SCNN1B: variants seen among roughly 807,000 people sequenced by gnomAD.
SCNN1B encodes epithelial sodium channel subunit beta.
In SCNN1B, 46 loss-of-function variants were observed where a neutral mutation model predicts 65.3. The ratio of observed to expected loss-of-function variants is 0.70; its 90% CI spans 0.56 to 0.90. The LOEUF is 0.90. Ranked by LOEUF, SCNN1B falls within the 40% of genes least tolerant of loss-of-function variation. The pLI, the probability that SCNN1B is intolerant of heterozygous loss-of-function variation, is 0.00. For missense variants in SCNN1B, 751 were observed against 830.5 expected, an observed-to-expected ratio of 0.90 and a Z score of 1.18; for synonymous variants, 349 against 330.6, an observed-to-expected ratio of 1.06 and a Z score of -0.60.
At chr16:23,321,662 T>C (rs1253624682) in intron 1 of SCNN1B, among the ~76,000 whole-genome samples, 3 of 152,202 alleles carry the variant, frequency 2.0e-5, no homozygotes, top group African/African-American at 7.2e-5. Flanking sequence ...AGATGATGGC[T>C]TAAAGTGCCA....
chr16:23,362,566 G>A (rs1348732578), intron 4 of SCNN1B, among the ~76,000 whole-genome samples: 1 of 152,116 alleles, frequency 6.6e-6, no homozygotes, highest in Non-Finnish European at 1.5e-5. Flanking sequence ...TGCATGCCTG[G>A]CTCCCAGCCC....
rs774959848 is a variant in SCNN1B at position 23,329,153 on chromosome 16, C to G, written c.-8-19439C>G. On this transcript the variant is annotated intron_variant, in intron 1 of 12. Transcript: ENST00000343070. ...TAGAGACAGGGTCTCGCTCTGTCCC[C>G]CAGGCTGGAGTGCAATGGTGCAATC... Among the ~76,000 whole-genome samples the G allele has an allele frequency of 2.0e-5, 3 of 151,470 alleles. No individual in the cohort carries two copies. In the South Asian group the frequency reaches 6.3e-4, roughly 32 times the overall value.
Position 23,348,892 on chromosome 16 carries a change from G to A in SCNN1B, c.293G>A (p.Cys98Tyr). 2 of 1,614,184 alleles carry A rather than the reference G, an allele frequency of 1.2e-6. No individual in the cohort carries two copies. Among genetic ancestry groups the A allele is most frequent in the Non-Finnish European group, 1.7e-6 (2 of 1,180,030 alleles). ...ATGGACTTCCCTGCCGTCACCATCT[G>A]CAATGCTAGCCCCTTCAAGTAGGTG... ...KTMDFPAVTI[C>Y]NASPFKYSKI... Residue 98 changes from cysteine to tyrosine, a missense_variant, in exon 2 of 13, where the codon TGC (cysteine) becomes TAC (tyrosine). Transcript: ENST00000343070. This position sits in a 1 kb window ranked among gnomAD's most constrained non-coding sequence, Gnocchi z 4.5.
At chr16:23,367,781 A>G in intron 4 of SCNN1B, 75 bp from the exon 5 acceptor site, 1 of 1,154,492 alleles carries the variant, frequency 8.7e-7, no homozygotes. Context: ...AGGAAATGAA[A>G]GGTGGACGGC....
chr16:23,306,404 T>C (rs529837762), intron 1 of SCNN1B, among the ~76,000 whole-genome samples: 139 of 152,286 alleles, frequency 9.1e-4, no homozygotes, highest in African/African-American at 3.1e-3. Context: ...AGTGCCTGAC[T>C]CAAGTAAACA....
At chr16:23,356,018 T>C (rs1368637680) in intron 4 of SCNN1B, among the ~76,000 whole-genome samples, 2 of 152,218 alleles carry the variant, frequency 1.3e-5, no homozygotes, top group Non-Finnish European at 2.9e-5. Context: ...CAGCTTGATC[T>C]GTGGGAGGAT....
At chr16:23,378,956 C>A (rs1701054563) in intron 11 of SCNN1B, among the ~76,000 whole-genome samples, 189 bp downstream of exon 11, 1 of 151,900 alleles carries the variant, frequency 6.6e-6, no homozygotes, top group African/African-American at 2.4e-5. Flanking sequence ...AGTCTACCAC[C>A]TGCTAAGGAG....
At chr16:23,289,895 C>T (rs1272472643) in intron 2 of SCNN1B, among the ~76,000 whole-genome samples, 4 of 151,950 alleles carry the variant, frequency 2.6e-5, no homozygotes, top group Admixed American at 6.6e-5. Flanking sequence ...AGGCTGGTCT[C>T]GAACTCCTGA....
intron 2 of SCNN1B, among the ~76,000 whole-genome samples, chr16:23,352,388 TTGAATTGTAACCCCCA>T (rs1185950331): frequency 6.6e-6 from 1 of 152,200 alleles, no homozygotes; most frequent in Admixed American, 6.5e-5. Context: ...AAATATCATA[TTGAATTGTAACCCCCA>T]TGTGTCGAGG....
chr16:23,319,650 G>C (rs980636446), intron 1 of SCNN1B, among the ~76,000 whole-genome samples: 1 of 152,196 alleles, frequency 6.6e-6, no homozygotes, highest in Non-Finnish European at 1.5e-5. Context: ...TGTATGGCAC[G>C]GAAAGCCTAA....
At position 23,295,417 on chromosome 16, in the gene SCNN1B, G is replaced by A. The variant is rs140374768; in HGVS notation, n.178+11613G>A. Among the ~76,000 whole-genome samples, 234 of 151,602 alleles carry A rather than the reference G, an allele frequency of 1.5e-3. 1 individual carries two copies. The highest frequency in any genetic ancestry group is 5.2e-3 in the African/African-American group (214 of 41,312). On this transcript the variant is annotated intron_variant and non_coding_transcript_variant, in intron 2 of 3. Coordinates refer to the SCNN1B transcript ENST00000569789. The stretch of plus-strand genomic sequence containing the variant: ...TTTTGTAGAGGTGGGATCTTGCTGT[G>A]TTGCCCAGGTTGGTCTCAAACTTCT...
At chr16:23,308,651 T>A (rs1423135623) in intron 1 of SCNN1B, among the ~76,000 whole-genome samples, 1 of 152,232 alleles carries the variant, frequency 6.6e-6, no homozygotes, top group Non-Finnish European at 1.5e-5. Context: ...TGTTTATTTA[T>A]TTTGAGACAG....
At chr16:23,282,106 T>G (rs1960792455) in intron 1 of SCNN1B, among the ~76,000 whole-genome samples, 1 of 152,168 alleles carries the variant, frequency 6.6e-6, no homozygotes, top group African/African-American at 2.4e-5. Context: ...GATGGAACAC[T>G]GCCTATTAGG....
chr16:23,353,439 G>A (rs1412140091), intron 3 of SCNN1B, among the ~76,000 whole-genome samples: 1 of 152,182 alleles, frequency 6.6e-6, no homozygotes, highest in Non-Finnish European at 1.5e-5. Context: ...TCACTCTCAG[G>A]CAAGATCTCT....
rs769244277 is a variant in SCNN1B at position 23,380,638 on chromosome 16, A to G, written c.1760A>G (p.Asn587Ser). 6 of 1,613,330 alleles carry G rather than the reference A, an allele frequency of 3.7e-6. No individual in the cohort carries two copies. Among genetic ancestry groups the G allele is most frequent in the Middle Eastern group, 1.7e-4 (1 of 6,030 alleles). The change falls in exon 13 of 13, where the codon AAC becomes AGC. Residue 587 changes from asparagine (N) to serine (S), a missense_variant. By Grantham distance (46) the Asn-to-Ser change is conservative. Coordinates refer to ENST00000343070, the MANE Select transcript of SCNN1B (RefSeq NM_000336.3). The surrounding 1 kb of genome is among the most constrained non-coding windows in gnomAD (Gnocchi z 5.4). ...TVAELVEAHT[N>S]FGFQPDTAPR... The stretch of plus-strand genomic sequence containing the variant: ...GCCGAGCTGGTGGAGGCCCACACCA[A>G]CTTTGGCTTCCAGCCTGACACGGCC...
At chr16:23,353,353 A>G in intron 3 of SCNN1B, 1 of 498,964 alleles carries the variant, frequency 2.0e-6, no homozygotes, top group Non-Finnish European at 3.6e-6. Flanking sequence ...CATTCAGGCA[A>G]GGCTGGATCC....
chr16:23,302,587 G>T (rs1961107996), intron 1 of SCNN1B, 150 bp downstream of exon 1: 1 of 152,370 alleles, frequency 6.6e-6, no homozygotes, highest in African/African-American at 2.4e-5. Flanking sequence ...TGTCTGAGGC[G>T]CCTGGGACCC....
At chr16:23,307,606 C>T (rs905983387) in intron 1 of SCNN1B, among the ~76,000 whole-genome samples, 2 of 151,970 alleles carry the variant, frequency 1.3e-5, no homozygotes, top group African/African-American at 2.4e-5. Context: ...AGGCATGAGC[C>T]GCTGCGCTTG....
chr16:23,375,363 G>T (rs968253191), intron 7 of SCNN1B, among the ~76,000 whole-genome samples: 5 of 152,184 alleles, frequency 3.3e-5, no homozygotes, highest in Admixed American at 6.5e-5. Context: ...TGTGTCAGGT[G>T]CTTGGACGGA....
Sources: allele counts gnomAD v4.1 joint callset (sites outside exome capture counted in the v4.1 genomes callset), GRCh38; gene constraint gnomAD v4.1.1; non-coding constraint Gnocchi (gnomAD v3.1); transcripts MANE v1.5; gene names NCBI Gene and HGNC (gene_info 2026-07-23, HGNC 2026-07-21).